VPS13B: variants seen among roughly 807,000 people sequenced by gnomAD.
VPS13B encodes vacuolar protein sorting 13 homolog B.
In VPS13B, 285 loss-of-function variants were observed where a neutral mutation model predicts 426.4. The observed-to-expected ratio is 0.67, with a 90% CI of 0.61 to 0.74. VPS13B has a LOEUF of 0.74. Ranked by LOEUF, VPS13B falls within the 30% of genes least tolerant of loss-of-function variation. VPS13B has a pLI of 0.00. For missense variants in VPS13B, 4,537 were observed against 4,782.6 expected, an observed-to-expected ratio of 0.95 and a Z score of 1.51; for synonymous variants, 1,676 against 1,676.4, an observed-to-expected ratio of 1.00 and a Z score of 0.01.
intron 34 of VPS13B, among the ~76,000 whole-genome samples, chr8:99,658,917 G>C (rs905561916): frequency 6.6e-5 from 10 of 152,178 alleles, no homozygotes; most frequent in African/African-American, 2.4e-4. Context: ...CCAGGCTCAG[G>C]TGATCCTCCC....
At chr8:99,871,035 G>A in intron 60 of VPS13B, 148 bp downstream of exon 60, 1 of 810,100 alleles carries the variant, frequency 1.2e-6, no homozygotes, top group Non-Finnish European at 2.1e-6. Context: ...CAAGAGCACT[G>A]TAGAGGGACA....
chr8:99,292,735 A>G (rs1819800835), intron 19 of VPS13B, among the ~76,000 whole-genome samples: 1 of 152,132 alleles, frequency 6.6e-6, no homozygotes, highest in Admixed American at 6.6e-5. Context: ...AATGGAATCT[A>G]AAAGGGGCAC....
intron 33 of VPS13B, among the ~76,000 whole-genome samples, chr8:99,620,918 G>T (rs530495697): frequency 6.6e-6 from 1 of 150,742 alleles, no homozygotes; most frequent in African/African-American, 2.4e-5. Context: ...CCTGGGAGGC[G>T]GAGTTTGCAG....
At chr8:99,163,193 G>A (rs945519443) in intron 15 of VPS13B, among the ~76,000 whole-genome samples, 3 of 152,142 alleles carry the variant, frequency 2.0e-5, no homozygotes, top group Admixed American at 6.5e-5. Context: ...GGCCCCACCA[G>A]AGCAGCTAGA....
intron 43 of VPS13B, among the ~76,000 whole-genome samples, chr8:99,784,751 G>A (rs1370027296): frequency 6.6e-6 from 1 of 152,082 alleles, no homozygotes; most frequent in Non-Finnish European, 1.5e-5. Flanking sequence ...GATCCTAGCT[G>A]TGTGTAACCT....
intron 23 of VPS13B, among the ~76,000 whole-genome samples, chr8:99,455,769 G>A (rs1281502758): frequency 6.6e-6 from 1 of 151,970 alleles, no homozygotes; most frequent in East Asian, 1.9e-4. Flanking sequence ...GTAACATTTT[G>A]GTGTTCTTCC....
At chr8:99,665,788 A>G (rs1347894210) in intron 35 of VPS13B, among the ~76,000 whole-genome samples, 6 of 152,072 alleles carry the variant, frequency 3.9e-5, no homozygotes, top group African/African-American at 1.4e-4. Flanking sequence ...CTTAGGATTG[A>G]CTTGGCGATG....
At chr8:99,035,984 T>C (rs1413843923) in intron 2 of VPS13B, among the ~76,000 whole-genome samples, 1 of 152,202 alleles carries the variant, frequency 6.6e-6, no homozygotes, top group African/African-American at 2.4e-5. Flanking sequence ...TTTGTCCATT[T>C]TAAAATAGAA....
intron 4 of VPS13B, among the ~76,000 whole-genome samples, chr8:99,099,086 C>T (rs1265489807): frequency 3.3e-5 from 5 of 152,104 alleles, no homozygotes; most frequent in East Asian, 1.9e-4. Context: ...CAACTCACAT[C>T]GGTTTTTTTA....
Position 99,258,758 on chromosome 8 carries a change from A to G in VPS13B, c.2516-15440A>G, listed in dbSNP as rs145896346. 7.5e-4 allele frequency among the ~76,000 whole-genome samples: 114 copies of G among 152,174 alleles called. 2 individuals are homozygous for G. Among genetic ancestry groups the G allele is most frequent in the African/African-American group, 2.4e-3 (100 of 41,562 alleles). Reference sequence around the variant, plus strand: ...TTGTCATATTTATGGTCTTCGATCCATTGTAGATAATCATGGCTTTTAGAG... The same window carrying G: ...TTGTCATATTTATGGTCTTCGATCCGTTGTAGATAATCATGGCTTTTAGAG... On this transcript the variant is annotated intron_variant, in intron 17 of 61. Coordinates refer to ENST00000357162, the MANE Select transcript of VPS13B (RefSeq NM_152564.5).
chr8:99,125,513 G>C (rs757198923), intron 8 of VPS13B, among the ~76,000 whole-genome samples: 1 of 152,112 alleles, frequency 6.6e-6, no homozygotes, highest in Non-Finnish European at 1.5e-5. Flanking sequence ...ACAATACTTT[G>C]CAGCCTTCAG....
Position 99,391,553 on chromosome 8 carries a change from C to T in VPS13B, c.2935-4C>T, listed in dbSNP as rs207469601. The T allele has an allele frequency of 1.9e-6, 3 of 1,614,048 alleles. No homozygotes were observed. Among genetic ancestry groups the T allele is most frequent in the East Asian group, 4.5e-5 (2 of 44,890 alleles). On this transcript the variant is annotated splice_region_variant and splice_polypyrimidine_tract_variant and intron_variant, in intron 20 of 61. Transcript: ENST00000357162. ...AAAAAGGTTTTCATTTTGTCTCTTT[C>T]CAGCAGCCTGTGGTAGCTGTTCCTC... is the stretch of plus-strand genomic sequence containing the variant.
intron 33 of VPS13B, among the ~76,000 whole-genome samples, chr8:99,636,827 G>A (rs993421281): frequency 5.9e-5 from 9 of 152,032 alleles, no homozygotes; most frequent in Non-Finnish European, 1.2e-4. Context: ...TCGAACTTTT[G>A]AAAGGGACGC....
intron 32 of VPS13B, 69 bp from the exon 33 acceptor site, chr8:99,577,421 T>C: frequency 6.2e-7 from 1 of 1,603,454 alleles, no homozygotes; most frequent in Non-Finnish European, 8.5e-7. Context: ...GTCAAATAAG[T>C]AAGAATGATA....
At chr8:99,523,540 T>C (rs946818690) in intron 30 of VPS13B, among the ~76,000 whole-genome samples, 1 of 152,188 alleles carries the variant, frequency 6.6e-6, no homozygotes, top group Non-Finnish European at 1.5e-5. Context: ...AGGCTGTGTT[T>C]GTTTGGGAGA....
chr8:99,277,084 A>C (rs1818937149), intron 19 of VPS13B, among the ~76,000 whole-genome samples: 1 of 152,106 alleles, frequency 6.6e-6, no homozygotes, highest in South Asian at 2.1e-4. Flanking sequence ...AAAGTGGTAT[A>C]AGAAAAATTA....
chr8:99,486,597 G>T (rs993171324), intron 25 of VPS13B, among the ~76,000 whole-genome samples: 2 of 152,198 alleles, frequency 1.3e-5, no homozygotes, highest in Non-Finnish European at 2.9e-5. Context: ...TTCTTAGCCT[G>T]CTGAAGCCTA....
At chr8:99,097,351 AATT>A (rs768776931) in intron 4 of VPS13B, among the ~76,000 whole-genome samples, 2 of 152,178 alleles carry the variant, frequency 1.3e-5, no homozygotes, top group Non-Finnish European at 2.9e-5. Flanking sequence ...CTGAATTTCA[AATT>A]ATTGTTTAGT....
intron 48 of VPS13B, 42 bp from the exon 49 acceptor site, chr8:99,819,879 A>C (rs752382796): frequency 6.3e-7 from 1 of 1,594,460 alleles, no homozygotes; most frequent in East Asian, 2.2e-5. Context: ...TATTAAAGTT[A>C]TCATATTTCA....
Sources: allele counts gnomAD v4.1 joint callset (sites outside exome capture counted in the v4.1 genomes callset), GRCh38; gene constraint gnomAD v4.1.1; transcripts MANE v1.5; gene names NCBI Gene and HGNC (gene_info 2026-07-23, HGNC 2026-07-21).